Variants in ASH1L observed in about 807,000 individuals in gnomAD.
ASH1L encodes ASH1 like histone lysine methyltransferase.
A neutral mutation model predicts 269.0 loss-of-function variants in ASH1L; 23 were observed. The observed-to-expected ratio is 0.09, with a 90% confidence interval of 0.06 to 0.12. The LOEUF (loss-of-function observed/expected upper bound fraction) is 0.12. ASH1L is among the 10% of genes least tolerant of loss of function. The probability of loss-of-function intolerance (pLI) is 1.00; values close to 1 mark genes in which losing one functional copy is unlikely to be tolerated. For missense variants in ASH1L, 2,912 were observed against 3,567.8 expected, an observed-to-expected ratio of 0.82 and a Z score of 4.68; for synonymous variants, 1,187 against 1,253.5, an observed-to-expected ratio of 0.95 and a Z score of 1.12.
chr1:155,342,626 G>T (rs1000363125), intron 24 of ASH1L, among the ~76,000 whole-genome samples: 15 of 152,216 alleles, frequency 9.9e-5, no homozygotes, highest in Admixed American at 9.8e-4. Flanking sequence ...AACATATATT[G>T]AGCTTTTACT....
chr1:155,378,432 A>C, intron 9 of ASH1L, 43 bp from the exon 10 acceptor site: 1 of 1,609,638 alleles, frequency 6.2e-7, no homozygotes, highest in Non-Finnish European at 8.5e-7. Flanking sequence ...ATACAGGATA[A>C]TTTTTCAAGT....
chr1:155,442,099 C>T (rs1016836258), intron 4 of ASH1L, among the ~76,000 whole-genome samples: 5 of 152,054 alleles, frequency 3.3e-5, no homozygotes, highest in African/African-American at 1.2e-4. Context: ...CTTTACCTCA[C>T]CACCATGTAG....
At chr1:155,506,289 C>A (rs1571009565) in intron 2 of ASH1L, among the ~76,000 whole-genome samples, 3 of 152,252 alleles carry the variant, frequency 2.0e-5, no homozygotes, top group South Asian at 2.1e-4. Context: ...TTTTTTCCAA[C>A]AACTCTATTT....
Position 155,556,387 on chromosome 1 carries a change from T to C in ASH1L, c.-100+5766A>G, listed in dbSNP as rs554102935. ...AGCTGTAAAAAATTATAAATATAAA[T>C]ATACATATATATACGTGTGTGTGTG... On this transcript the variant is annotated intron_variant, in intron 1 of 27. Transcript: ENST00000392403. 2.1e-4 allele frequency among the ~76,000 whole-genome samples: 31 copies of C among 146,064 alleles called. No individual in the cohort carries two copies. The East Asian group carries it at 2.9e-3, about 13-fold the overall frequency.
chr1:155,344,847 A>G (rs1380258174), intron 21 of ASH1L, among the ~76,000 whole-genome samples: 1 of 152,218 alleles, frequency 6.6e-6, no homozygotes, highest in Non-Finnish European at 1.5e-5. Context: ...TTCTGAGTCC[A>G]GTGCTCTTTT....
intron 1 of ASH1L, among the ~76,000 whole-genome samples, chr1:155,559,124 C>T (rs894014688): frequency 4.6e-5 from 7 of 152,124 alleles, no homozygotes; most frequent in Non-Finnish European, 8.8e-5. Flanking sequence ...CAAGTGAGAG[C>T]CACCATGCCC....
At chr1:155,490,109 C>T (rs183475061) in intron 2 of ASH1L, among the ~76,000 whole-genome samples, 114 of 151,760 alleles carry the variant, frequency 7.5e-4, no homozygotes, top group Non-Finnish European at 2.9e-4. Flanking sequence ...GCTGGGACTA[C>T]GCCCGCCACC....
chr1:155,462,507 C>A (rs1239205109), intron 3 of ASH1L, among the ~76,000 whole-genome samples: 3 of 152,196 alleles, frequency 2.0e-5, no homozygotes, highest in Non-Finnish European at 4.4e-5. Context: ...CTTTTGGTGA[C>A]ATCTGGAGCT....
chr1:155,345,104 G>C (rs575378725), intron 21 of ASH1L, among the ~76,000 whole-genome samples: 5 of 149,852 alleles, frequency 3.3e-5, no homozygotes, highest in Non-Finnish European at 7.4e-5. Flanking sequence ...CTACAGGCAC[G>C]CAACACCACG....
At chr1:155,458,717 A>AAACCAACCAACCAACC in intron 4 of ASH1L, among the ~76,000 whole-genome samples, 1 of 150,762 alleles carries the variant, frequency 6.6e-6, no homozygotes, top group East Asian at 1.9e-4. Context: ...ACTCATCTCA[A>AAACCAACCAACCAACC]AACCAACCAA....
At chr1:155,463,527 T>A (rs1465825741) in intron 3 of ASH1L, among the ~76,000 whole-genome samples, 2 of 152,166 alleles carry the variant, frequency 1.3e-5, no homozygotes, top group African/African-American at 4.8e-5. Flanking sequence ...GTGTGGGGGC[T>A]CATGCCTGTA....
Position 155,562,421 on chromosome 1 carries a change from C to G in ASH1L, c.-368G>C. The G allele has an allele frequency of 2.7e-6, 4 of 1,481,678 alleles. No homozygotes were observed. Among genetic ancestry groups the G allele is most frequent in the South Asian group, 1.2e-5 (1 of 83,102 alleles). 91.8% of individuals were successfully genotyped at this position (1,481,678 alleles called of 1,614,324 possible). On this transcript the variant is annotated 5_prime_UTR_variant, in exon 1 of 28. Transcript: ENST00000392403. Reference sequence around the variant, plus strand: ...CCGCAAAGCGAACCCAAAATGGCGGCGGGAGCGGCGGCGGCGGCGGCGGCA... The same window carrying G: ...CCGCAAAGCGAACCCAAAATGGCGGGGGGAGCGGCGGCGGCGGCGGCGGCA...
intron 2 of ASH1L, among the ~76,000 whole-genome samples, chr1:155,499,197 ATAC>A (rs1273036015): frequency 1.3e-5 from 2 of 152,226 alleles, no homozygotes; most frequent in African/African-American, 4.8e-5. Context: ...AATAATGGCA[ATAC>A]TAATATAGAA....
At chr1:155,449,141 G>C (rs979921864) in intron 4 of ASH1L, among the ~76,000 whole-genome samples, 2 of 151,898 alleles carry the variant, frequency 1.3e-5, no homozygotes, top group South Asian at 2.1e-4. Context: ...TCACCATGTT[G>C]GCCAGGATGG....
At chr1:155,474,963 C>T (rs1442082775) in intron 3 of ASH1L, among the ~76,000 whole-genome samples, 5 of 152,206 alleles carry the variant, frequency 3.3e-5, no homozygotes, top group Non-Finnish European at 7.3e-5. Context: ...ATCAATACTC[C>T]TTTGTCTTTT....
At chr1:155,530,518 G>C (rs1669598006) in intron 1 of ASH1L, among the ~76,000 whole-genome samples, 1 of 151,584 alleles carries the variant, frequency 6.6e-6, no homozygotes. Context: ...TTGAGGTCAG[G>C]AGTTTGAGAC....
At chr1:155,392,344 A>C (rs1347520491) in intron 7 of ASH1L, among the ~76,000 whole-genome samples, 2 of 152,190 alleles carry the variant, frequency 1.3e-5, no homozygotes, top group Non-Finnish European at 2.9e-5. Context: ...CACAGATAAA[A>C]AGAGCTATAC....
intron 15 of ASH1L, among the ~76,000 whole-genome samples, chr1:155,355,797 A>G (rs1654326640): frequency 1.3e-5 from 2 of 152,200 alleles, no homozygotes; most frequent in South Asian, 4.1e-4. Flanking sequence ...CAAATAGGAC[A>G]TACTCACTTG....
chr1:155,433,196 C>A (rs1457646623), intron 5 of ASH1L: 3 of 1,541,980 alleles, frequency 1.9e-6, no homozygotes, highest in South Asian at 2.4e-5. Flanking sequence ...GGACACCTGG[C>A]TTCGGATGCC....
Sources: allele counts gnomAD v4.1 joint callset (sites outside exome capture counted in the v4.1 genomes callset), GRCh38; gene constraint gnomAD v4.1.1; transcripts MANE v1.5; gene names NCBI Gene and HGNC (gene_info 2026-07-23, HGNC 2026-07-21).